The following HS6ST3 variants were observed in gnomAD, a reference collection of about 807,000 sequenced individuals.
HS6ST3 encodes the protein heparan sulfate 6-O-sulfotransferase 3.
HS6ST3 carries 12 observed loss-of-function variants against 36.7 expected under a neutral mutation model. That is an observed-to-expected ratio of 0.33 (90% CI 0.21 to 0.53). The LOEUF is 0.53. HS6ST3 is among the 20% of genes least tolerant of loss of function. HS6ST3 has a pLI of 0.95. For missense variants in HS6ST3, 584 were observed against 640.9 expected, an observed-to-expected ratio of 0.91 and a Z score of 0.96; for synonymous variants, 240 against 257.5, an observed-to-expected ratio of 0.93 and a Z score of 0.65.
At chr13:96,617,914 T>G (rs1054940307) in intron 1 of HS6ST3, among the ~76,000 whole-genome samples, 6 of 152,162 alleles carry the variant, frequency 3.9e-5, no homozygotes, top group African/African-American at 1.4e-4. Flanking sequence ...TCTCCAGGGA[T>G]TAAAACAACT....
chr13:96,362,264 G>T (rs1370674984), intron 1 of HS6ST3, among the ~76,000 whole-genome samples: 1 of 150,218 alleles, frequency 6.7e-6, no homozygotes, highest in Admixed American at 6.7e-5. Context: ...ATTTAATAAC[G>T]ATTTCTAACA....
intron 1 of HS6ST3, among the ~76,000 whole-genome samples, chr13:96,594,012 A>C (rs1461448332): frequency 1.3e-5 from 2 of 151,396 alleles, no homozygotes; most frequent in Non-Finnish European, 2.9e-5. Context: ...GCTGGAGTGC[A>C]ATGGCGCGAT....
At chr13:96,489,009 G>A (rs1205473423) in intron 1 of HS6ST3, among the ~76,000 whole-genome samples, 1 of 152,026 alleles carries the variant, frequency 6.6e-6, no homozygotes, top group Non-Finnish European at 1.5e-5. Context: ...TTTGTTTACT[G>A]AAGAGGAAGA....
At chr13:96,589,018 T>C (rs2138974157) in intron 1 of HS6ST3, among the ~76,000 whole-genome samples, 1 of 136,050 alleles carries the variant, frequency 7.4e-6, no homozygotes, top group South Asian at 2.4e-4. Context: ...ACCACTGCAC[T>C]CCAGCCTGGA....
intron 1 of HS6ST3, chr13:96,169,970 T>A (rs1480204590): frequency 6.6e-6 from 1 of 152,370 alleles, no homozygotes; most frequent in Admixed American, 6.5e-5. Context: ...TTTACCATAT[T>A]AACCAACCCA....
At chr13:96,765,748 C>T (rs1877096354) in intron 1 of HS6ST3, among the ~76,000 whole-genome samples, 1 of 151,912 alleles carries the variant, frequency 6.6e-6, no homozygotes, top group African/African-American at 2.4e-5. Flanking sequence ...GCTTTGTGTA[C>T]TAAATATAGA....
intron 1 of HS6ST3, among the ~76,000 whole-genome samples, chr13:96,831,980 A>AAAAAAAAAAAAAAAAC (rs1339637754): frequency 2.1e-5 from 3 of 141,906 alleles, no homozygotes; most frequent in African/African-American, 5.2e-5. Flanking sequence ...AAAAAAAAAA[A>AAAAAAAAAAAAAAAAC]CAGAGATTAA....
intron 1 of HS6ST3, among the ~76,000 whole-genome samples, chr13:96,586,101 A>G (rs2056360085): frequency 6.6e-6 from 1 of 151,934 alleles, no homozygotes; most frequent in African/African-American, 2.4e-5. Flanking sequence ...TGTCTTTTTG[A>G]TAACAGTCAT....
At position 96,835,144 on chromosome 13, in the gene HS6ST3, G is replaced by A. The variant is rs369909572; in HGVS notation, c.*1946G>A. On this transcript the variant is annotated 3_prime_UTR_variant, in exon 2 of 2. Transcript: ENST00000376705. The stretch of plus-strand genomic sequence containing the variant: ...CCATATCCATATGGAATAAGGGCTC[G>A]TCCTACCTAAAGCTTCCTGCCAATA... The A allele has an allele frequency of 6.6e-6, 1 of 152,066 alleles. No individual in the cohort carries two copies. The highest frequency in any genetic ancestry group is 2.1e-4 in the South Asian group (1 of 4,820). The allele number at this position is 152,066 out of a possible 1,614,324, so 9.4% of individuals were successfully genotyped here.
intron 1 of HS6ST3, among the ~76,000 whole-genome samples, chr13:96,491,109 A>G (rs965812754): frequency 6.6e-6 from 1 of 152,338 alleles, no homozygotes; most frequent in East Asian, 1.9e-4. Flanking sequence ...AACTAGTTCT[A>G]AAGAAGACCC....
chr13:96,786,624 T>A (rs898443585), intron 1 of HS6ST3, among the ~76,000 whole-genome samples: 3 of 152,206 alleles, frequency 2.0e-5, no homozygotes, highest in Admixed American at 6.5e-5. Flanking sequence ...GTTATCTGTA[T>A]AGGCAAAACG....
At chr13:96,570,508 C>G (rs540294461) in intron 1 of HS6ST3, among the ~76,000 whole-genome samples, 116 of 152,156 alleles carry the variant, frequency 7.6e-4, no homozygotes, top group Non-Finnish European at 7.5e-4. Context: ...GCCTAAATTA[C>G]GGGTCAGGGA....
At chr13:96,404,613 T>C (rs2055467798) in intron 1 of HS6ST3, among the ~76,000 whole-genome samples, 1 of 152,158 alleles carries the variant, frequency 6.6e-6, no homozygotes, top group African/African-American at 2.4e-5. Flanking sequence ...GAAGGAAAAG[T>C]CTGGGAGTTG....
At chr13:96,333,877 C>T (rs1566328514) in intron 1 of HS6ST3, among the ~76,000 whole-genome samples, 1 of 152,006 alleles carries the variant, frequency 6.6e-6, no homozygotes, top group Non-Finnish European at 1.5e-5. Context: ...TAACAGCAAG[C>T]TGGAGCTCCA....
At chr13:96,690,337 T>C (rs1874920133) in intron 1 of HS6ST3, among the ~76,000 whole-genome samples, 1 of 152,158 alleles carries the variant, frequency 6.6e-6, no homozygotes, top group Non-Finnish European at 1.5e-5. Context: ...TGTGTGTGAC[T>C]TACTATTCAA....
intron 1 of HS6ST3, among the ~76,000 whole-genome samples, chr13:96,269,511 C>G (rs1159334427): frequency 6.6e-6 from 1 of 151,948 alleles, no homozygotes; most frequent in Non-Finnish European, 1.5e-5. Context: ...TTCTGCTTTC[C>G]ATGAAACGTG....
At chr13:96,520,204 A>C (rs575347073) in intron 1 of HS6ST3, among the ~76,000 whole-genome samples, 1 of 152,126 alleles carries the variant, frequency 6.6e-6, no homozygotes, top group African/African-American at 2.4e-5. Flanking sequence ...GTTCTCTTCC[A>C]TTGGTCTGTA....
At chr13:96,729,430 T>G (rs1198903981) in intron 1 of HS6ST3, among the ~76,000 whole-genome samples, 8 of 152,132 alleles carry the variant, frequency 5.3e-5, no homozygotes, top group African/African-American at 9.7e-5. Flanking sequence ...GATTACTTAA[T>G]TCAGTAATCT....
intron 1 of HS6ST3, among the ~76,000 whole-genome samples, chr13:96,626,336 G>T (rs1480900234): frequency 6.6e-6 from 1 of 151,558 alleles, no homozygotes; most frequent in Admixed American, 6.6e-5. Context: ...TATTTTTTTA[G>T]CATGGAAAAC....
Sources: allele counts gnomAD v4.1 joint callset (sites outside exome capture counted in the v4.1 genomes callset), GRCh38; gene constraint gnomAD v4.1.1; transcripts MANE v1.5; gene names NCBI Gene and HGNC (gene_info 2026-07-23, HGNC 2026-07-21).